NDUFC1: variants seen among roughly 807,000 people sequenced by gnomAD.
NDUFC1 encodes NADH:ubiquinone oxidoreductase subunit C1, also known as NADH dehydrogenase [ubiquinone] 1 subunit C1, mitochondrial.
NDUFC1 carries 11 observed loss-of-function variants against 11.6 expected under a neutral mutation model. That is an observed-to-expected ratio of 0.95 (90% CI 0.60 to 1.58). NDUFC1 has a LOEUF of 1.58. Ranked by LOEUF, NDUFC1 falls within the 40% of genes most tolerant of loss-of-function variation. The pLI, the probability that NDUFC1 is intolerant of heterozygous loss-of-function variation, is 0.00. For synonymous variants in NDUFC1, 52 were observed against 42.2 expected, an observed-to-expected ratio of 1.23 and a Z score of -0.90; for missense variants, 112 against 93.0, an observed-to-expected ratio of 1.20 and a Z score of -0.84.
intron 4 of NDUFC1, among the ~76,000 whole-genome samples, chr4:139,293,239 T>C (rs1475431637): frequency 1.3e-5 from 2 of 152,204 alleles, no homozygotes; most frequent in African/African-American, 4.8e-5. Context: ...GGTTATTAAA[T>C]GGGATCCAGG....
At chr4:139,301,210 T>G (rs931082051) in intron 1 of NDUFC1, 8 of 251,376 alleles carry the variant, frequency 3.2e-5, no homozygotes, top group Non-Finnish European at 6.0e-5. Flanking sequence ...GCGAGACTCT[T>G]TCCAAGGAAT....
At chr4:139,292,674 G>A in intron 4 of NDUFC1, 65 bp from the exon 5 acceptor site, 2 of 1,040,102 alleles carry the variant, frequency 1.9e-6, no homozygotes, top group Middle Eastern at 2.2e-4. Flanking sequence ...TTTTGTAAAG[G>A]AATAAGGATA....
Position 139,294,993 on chromosome 4 carries a change from C to T in NDUFC1, c.171+50G>A, listed in dbSNP as rs372280006. ...TTCAATCTCGCAATGTTATGTCATT[C>T]CCTTACCACGCTGGTGTAGTCTCAC... On this transcript the variant is annotated intron_variant, in intron 4 of 5. Transcript: ENST00000394223. 1.9e-5 allele frequency: 26 copies of T among 1,391,584 alleles called. No individual in the cohort carries two copies. In the Middle Eastern group the frequency reaches 9.0e-4, roughly 48 times the overall value. The allele number at this position is 1,391,584 out of a possible 1,614,324, so 86.2% of individuals were successfully genotyped here.
chr4:139,293,660 T>C (rs1273043060), intron 4 of NDUFC1, among the ~76,000 whole-genome samples: 1 of 152,154 alleles, frequency 6.6e-6, no homozygotes, highest in Non-Finnish European at 1.5e-5. Flanking sequence ...TGGGGGACAG[T>C]GGAGGAAGTC....
In NDUFC1 at chr4:139,302,430, T is replaced by C. The variant is rs1745825697; in HGVS notation, c.-236A>G. The C allele has an allele frequency of 6.6e-6, 1 of 152,324 alleles. No homozygotes were observed. Among genetic ancestry groups the C allele is most frequent in the African/African-American group, 2.4e-5 (1 of 41,464 alleles). The allele number at this position is 152,324 out of a possible 1,614,324, so 9.4% of individuals were successfully genotyped here. A position where few individuals can be genotyped will look rare whatever the true frequency, so the allele number is the denominator to read the frequency against. ...CAAACGACTACCTCCTTGTAGTCAG[T>C]TGCATACTGGAGTCTTCAGCTCCTC... On this transcript the variant is annotated 5_prime_UTR_variant, in exon 1 of 6. Coordinates refer to ENST00000394223, the MANE Select transcript of NDUFC1 (RefSeq NM_001184989.2).
At chr4:139,300,303 C>G (rs1305233913) in intron 1 of NDUFC1, among the ~76,000 whole-genome samples, 1 of 152,168 alleles carries the variant, frequency 6.6e-6, no homozygotes, top group African/African-American at 2.4e-5. Context: ...ATCAATATAG[C>G]AGCTACAAAA....
At chr4:139,301,509 G>A (rs1745733113) in intron 1 of NDUFC1, 1 of 450,020 alleles carries the variant, frequency 2.2e-6, no homozygotes, top group Non-Finnish European at 4.0e-6. Context: ...CATTTTGGCT[G>A]CCTCTGTCGG....
At chr4:139,295,250 C>T in intron 3 of NDUFC1, 104 bp from the exon 4 acceptor site, 3 of 842,676 alleles carry the variant, frequency 3.6e-6, no homozygotes, top group East Asian at 2.6e-5. Context: ...CCTTCAACTC[C>T]CCCATCTCCC....
chr4:139,293,995 G>A (rs1256601958), intron 4 of NDUFC1, among the ~76,000 whole-genome samples: 1 of 143,200 alleles, frequency 7.0e-6, no homozygotes, highest in Non-Finnish European at 1.5e-5. Context: ...AGGCTGGAGT[G>A]CGGTAGCACG....
At chr4:139,300,509 GT>G (rs1683174151) in intron 1 of NDUFC1, 1 of 152,300 alleles carries the variant, frequency 6.6e-6, no homozygotes, top group South Asian at 2.1e-4. Flanking sequence ...AAAACCAAAG[GT>G]TAAAAGTGGC....
At chr4:139,296,996 T>G (rs1182364603) in intron 2 of NDUFC1, among the ~76,000 whole-genome samples, 3 of 152,226 alleles carry the variant, frequency 2.0e-5, no homozygotes, top group Non-Finnish European at 2.9e-5. Context: ...ATGCAAATGG[T>G]GGCTAAATGG....
In NDUFC1 at chr4:139,295,851, T is replaced by C. The variant is rs1176419888; in HGVS notation, c.-53A>G. 2 of 1,528,492 alleles carry C rather than the reference T, an allele frequency of 1.3e-6. No individual in the cohort carries two copies. The highest frequency in any genetic ancestry group is 1.8e-6 in the Non-Finnish European group (2 of 1,136,470). The allele number at this position is 1,528,492 out of a possible 1,614,324, so 94.7% of individuals were successfully genotyped here. A position where few individuals can be genotyped will look rare whatever the true frequency, so the allele number is the denominator to read the frequency against. On this transcript the variant is annotated 5_prime_UTR_variant, in exon 3 of 6. Transcript: ENST00000394223. ...AGTTGGCAACAGAACCAGCGCCACC[T>C]GGCGGCCGGAAGTGCGGGACTCGAG...
At chr4:139,297,133 G>A (rs1240162981) in intron 2 of NDUFC1, among the ~76,000 whole-genome samples, 2 of 152,180 alleles carry the variant, frequency 1.3e-5, no homozygotes, top group African/African-American at 2.4e-5. Context: ...TGTCCACTCA[G>A]CAACCTGTCA....
Position 139,292,451 on chromosome 4 carries a change from C to G in NDUFC1, c.*20+79G>C, listed in dbSNP as rs1745268113. 2.0e-5 allele frequency: 12 copies of G among 590,006 alleles called. No homozygotes were observed. The East Asian group carries it at 3.6e-4, about 18-fold the overall frequency. 36.5% of individuals were successfully genotyped at this position (590,006 alleles called of 1,614,324 possible). A position where few individuals can be genotyped will look rare whatever the true frequency, so the allele number is the denominator to read the frequency against. On this transcript the variant is annotated intron_variant, in intron 5 of 5. Coordinates refer to ENST00000394223, the MANE Select transcript of NDUFC1 (RefSeq NM_001184989.2). ...TATAAACCTAATACAAAACAAACAA[C>G]AAGCTTGTTTTTCAGTATTTAAAAA... is the stretch of plus-strand genomic sequence containing the variant.
At position 139,301,936 on chromosome 4, in the gene NDUFC1, C is replaced by G. The variant is rs1038442398; in HGVS notation, c.-222+480G>C. 16 of 1,261,104 alleles carry G rather than the reference C, an allele frequency of 1.3e-5. No homozygotes were observed. The Middle Eastern group carries it at 1.4e-3, about 113-fold the overall frequency. The allele number at this position is 1,261,104 out of a possible 1,614,324, so 78.1% of individuals were successfully genotyped here. On this transcript the variant is annotated intron_variant, in intron 1 of 5. Coordinates refer to ENST00000394223, the MANE Select transcript of NDUFC1 (RefSeq NM_001184989.2). The stretch of plus-strand genomic sequence containing the variant: ...GGCACTGAGCCACTCCCGCCCGGGA[C>G]CCCGCCTTCATAGCTCTCGTCAGGC...
intron 1 of NDUFC1, among the ~76,000 whole-genome samples, chr4:139,300,027 C>G (rs1745644496): frequency 6.6e-6 from 1 of 152,142 alleles, no homozygotes; most frequent in African/African-American, 2.4e-5. Context: ...TTTTTTCTGT[C>G]TTTCAATAGT....
intron 3 of NDUFC1, 51 bp downstream of exon 3, chr4:139,295,681 T>C (rs1172997992): frequency 6.6e-7 from 1 of 1,521,014 alleles, no homozygotes; most frequent in Non-Finnish European, 8.8e-7. Context: ...GGGTCCGCCT[T>C]AGGAGGGGTA....
intron 1 of NDUFC1, among the ~76,000 whole-genome samples, chr4:139,297,729 A>T (rs997230550): frequency 3.9e-5 from 6 of 152,142 alleles, no homozygotes; most frequent in Admixed American, 3.9e-4. Flanking sequence ...AAAAATCCCT[A>T]TTTTTATTGA....
chr4:139,294,734 CAA>C (rs34462002), intron 4 of NDUFC1, among the ~76,000 whole-genome samples: 42 of 91,636 alleles, frequency 4.6e-4, no homozygotes, highest in Middle Eastern at 6.8e-3. Context: ...GACTCCATCT[CAA>C]AAAAAAAAAA....
Sources: gnomAD v4.1 joint callset for allele counts (sites outside exome capture counted in the v4.1 genomes callset) on GRCh38, gnomAD v4.1.1 for gene constraint, MANE v1.5 for transcripts, NCBI Gene and HGNC (gene_info 2026-07-23, HGNC 2026-07-21) for gene names.